NRG3: variants seen among roughly 807,000 people sequenced by gnomAD.
NRG3 encodes the protein pro-neuregulin-3, membrane-bound isoform.
NRG3 carries 31 observed loss-of-function variants against 66.9 expected under a neutral mutation model. That is an observed-to-expected ratio of 0.46 (90% CI 0.35 to 0.63). The LOEUF is 0.63. Ranked by LOEUF, NRG3 falls within the 20% of genes least tolerant of loss-of-function variation. The pLI is 0.00. For missense variants in NRG3, 910 were observed against 878.9 expected (o/e 1.04, Z -0.45); for synonymous variants, 393 against 359.4 (o/e 1.09, Z -1.06).
chr10:82,346,488 T>A (rs2135448358), intron 1 of NRG3, among the ~76,000 whole-genome samples: 1 of 151,110 alleles, frequency 6.6e-6, no homozygotes, highest in East Asian at 2.0e-4. Flanking sequence ...TGAGGATTTT[T>A]GCATCAATGT....
intron 4 of NRG3, among the ~76,000 whole-genome samples, chr10:82,943,386 A>T (rs1288617316): frequency 6.6e-6 from 1 of 152,176 alleles, no homozygotes. Flanking sequence ...GATCTTAGCC[A>T]GGCCACCCTT....
At chr10:82,696,824 C>T (rs1408306924) in intron 2 of NRG3, among the ~76,000 whole-genome samples, 3 of 152,070 alleles carry the variant, frequency 2.0e-5, no homozygotes, top group Non-Finnish European at 4.4e-5. Flanking sequence ...TGAATCTGAC[C>T]GTTTTCAAGT....
intron 1 of NRG3, among the ~76,000 whole-genome samples, chr10:81,919,000 TAC>T (rs200180355): frequency 1.2e-4 from 15 of 129,416 alleles, no homozygotes; most frequent in East Asian, 2.8e-4. Flanking sequence ...CACACATACA[TAC>T]ACACACACAC....
At chr10:82,106,496 T>A (rs1339904652) in intron 1 of NRG3, among the ~76,000 whole-genome samples, 1 of 151,218 alleles carries the variant, frequency 6.6e-6, no homozygotes, top group Non-Finnish European at 1.5e-5. Flanking sequence ...ATTTTGAAAA[T>A]GCATAATTAG....
chr10:82,060,993 C>T (rs4933825), intron 1 of NRG3, among the ~76,000 whole-genome samples: 131,446 of 152,196 alleles, frequency 0.86, 57,774 homozygotes, highest in Middle Eastern at 0.97. Context: ...CCTATGTTTG[C>T]AATCTGGAAA....
chr10:82,629,024 T>C (rs1180978985), intron 2 of NRG3, among the ~76,000 whole-genome samples: 1 of 152,158 alleles, frequency 6.6e-6, no homozygotes, highest in Non-Finnish European at 1.5e-5. Context: ...GAAATTCATT[T>C]ATTCAAATGT....
chr10:82,778,343 G>A (rs1402241311), intron 3 of NRG3, among the ~76,000 whole-genome samples: 1 of 152,156 alleles, frequency 6.6e-6, no homozygotes, highest in East Asian at 1.9e-4. Context: ...AATTTATAAA[G>A]GAAAGAGGTT....
In NRG3 at chr10:82,577,712, A is replaced by G. The variant is rs527873832; in HGVS notation, c.954-160865A>G. The stretch of plus-strand genomic sequence containing the variant: ...GGCCTCTTTTATGGATGTTTCATGA[A>G]TTTTCGGGATGATGCTGTTCATCTA... On this transcript the variant is annotated intron_variant, in intron 2 of 8. Transcript: ENST00000372141. Among the ~76,000 whole-genome samples the G allele has an allele frequency of 3.3e-5, 5 of 151,806 alleles. No homozygotes were observed. The South Asian group carries it at 8.3e-4, about 25-fold the overall frequency.
At chr10:82,179,406 T>A (rs1364471052) in intron 1 of NRG3, among the ~76,000 whole-genome samples, 2 of 152,026 alleles carry the variant, frequency 1.3e-5, no homozygotes, top group Non-Finnish European at 2.9e-5. Context: ...CTTTACCACA[T>A]TTTGAGTTGC....
intron 2 of NRG3, among the ~76,000 whole-genome samples, chr10:82,723,098 AG>A: frequency 6.6e-6 from 1 of 152,250 alleles, no homozygotes; most frequent in Admixed American, 6.5e-5. Flanking sequence ...GGATTGGATA[AG>A]AAAAATGAGG....
Position 82,335,000 on chromosome 10 carries a change from T to G in NRG3, c.824-23739T>G, listed in dbSNP as rs180877025. ...TCATTTTAAAAAATCTTAGCTGATA[T>G]TGTTGGCTACTGCTTACATTTCATC... On this transcript the variant is annotated intron_variant, in intron 1 of 8. Coordinates refer to ENST00000372141, the MANE Select transcript of NRG3 (RefSeq NM_001010848.4). Among the ~76,000 whole-genome samples the G allele has an allele frequency of 9.8e-5, 15 of 152,328 alleles. No individual in the cohort carries two copies. The East Asian group carries it at 2.5e-3, about 26-fold the overall frequency.
chr10:82,446,280 G>C (rs1255147775), intron 2 of NRG3, among the ~76,000 whole-genome samples: 1 of 152,136 alleles, frequency 6.6e-6, no homozygotes, highest in Non-Finnish European at 1.5e-5. Context: ...CAAAGTAGGT[G>C]TTTAATAATT....
intron 2 of NRG3, among the ~76,000 whole-genome samples, chr10:82,551,192 C>T (rs2044283406): frequency 6.6e-6 from 1 of 152,020 alleles, no homozygotes; most frequent in South Asian, 2.1e-4. Flanking sequence ...AAGTAGCATG[C>T]AGAGATAAAT....
At chr10:82,133,903 T>G (rs1438141392) in intron 1 of NRG3, among the ~76,000 whole-genome samples, 1 of 152,212 alleles carries the variant, frequency 6.6e-6, no homozygotes, top group Non-Finnish European at 1.5e-5. Flanking sequence ...TGTTCCCTTT[T>G]CTCTGCAACC....
chr10:82,364,564 G>A (rs2084398849), intron 2 of NRG3, among the ~76,000 whole-genome samples: 1 of 152,132 alleles, frequency 6.6e-6, no homozygotes, highest in Non-Finnish European at 1.5e-5. Context: ...AAAAGAGGTA[G>A]CCACTGTAAT....
At chr10:82,859,820 A>G (rs2064019348) in intron 3 of NRG3, among the ~76,000 whole-genome samples, 1 of 152,336 alleles carries the variant, frequency 6.6e-6, no homozygotes, top group African/African-American at 2.4e-5. Context: ...CACAATGTAT[A>G]CGTATTCCAA....
intron 1 of NRG3, among the ~76,000 whole-genome samples, chr10:82,046,136 T>C (rs1203565082): frequency 8.8e-5 from 13 of 147,688 alleles, no homozygotes; most frequent in South Asian, 2.2e-4. Flanking sequence ...GGGATGGCAT[T>C]GAATCTATAA....
At chr10:82,146,628 T>C (rs1304155728) in intron 1 of NRG3, among the ~76,000 whole-genome samples, 1 of 152,132 alleles carries the variant, frequency 6.6e-6, no homozygotes, top group Non-Finnish European at 1.5e-5. Flanking sequence ...ATAATAATAT[T>C]GACCATATGC....
intron 1 of NRG3, among the ~76,000 whole-genome samples, chr10:82,278,349 T>A (rs536649608): frequency 6.6e-6 from 1 of 152,240 alleles, no homozygotes; most frequent in East Asian, 1.9e-4. Context: ...AGGAATTCTT[T>A]GCTTCTTTAG....
Sources: allele counts gnomAD v4.1 joint callset (sites outside exome capture counted in the v4.1 genomes callset), GRCh38; gene constraint gnomAD v4.1.1; transcripts MANE v1.5; gene names NCBI Gene and HGNC (gene_info 2026-07-23, HGNC 2026-07-21).